Variants in CD8B2 observed in about 807,000 individuals in gnomAD.
CD8B2 encodes the protein CD8B family member 2.
CD8B2 carries 11 observed loss-of-function variants against 23.7 expected under a neutral mutation model. That is an observed-to-expected ratio of 0.46 (90% CI 0.29 to 0.77). CD8B2 has a LOEUF of 0.77. CD8B2 is among the 30% of genes least tolerant of loss of function. The pLI is 0.09. For synonymous variants in CD8B2, 90 were observed against 109.3 expected, an observed-to-expected ratio of 0.82 and a Z score of 1.10; for missense variants, 197 against 270.5, an observed-to-expected ratio of 0.73 and a Z score of 1.91.
At chr2:106,541,593 C>G (rs1680174986) in intron 5 of CD8B2, among the ~76,000 whole-genome samples, 1 of 152,152 alleles carries the variant, frequency 6.6e-6, no homozygotes, top group East Asian at 1.9e-4. Flanking sequence ...ATGCATTTTT[C>G]AAACCGTAAG....
At chr2:106,538,006 C>T (rs1008593353) in intron 5 of CD8B2, 4 of 152,176 alleles carry the variant, frequency 2.6e-5, no homozygotes, top group African/African-American at 9.7e-5. Context: ...ATGCATGGCC[C>T]CAGAGGAGTC....
chr2:106,504,471 C>T, intron 5 of CD8B2, 146 bp downstream of exon 5: 2 of 1,515,030 alleles, frequency 1.3e-6, no homozygotes, highest in Non-Finnish European at 1.8e-6. Context: ...CCTGTAGTCA[C>T]AGCTACTCGG....
intron 5 of CD8B2, among the ~76,000 whole-genome samples, chr2:106,525,987 A>G (rs1248291443): frequency 6.6e-6 from 1 of 152,242 alleles, no homozygotes; most frequent in Non-Finnish European, 1.5e-5. Flanking sequence ...TACGCCTGTA[A>G]TTCCAGGACT....
At chr2:106,528,578 A>G (rs1157508319) in intron 5 of CD8B2, among the ~76,000 whole-genome samples, 3 of 152,262 alleles carry the variant, frequency 2.0e-5, no homozygotes, top group Non-Finnish European at 4.4e-5. Flanking sequence ...GAGAATCTGC[A>G]GTCTGTTCAA....
chr2:106,494,218 G>A (rs1679253339), intron 2 of CD8B2, among the ~76,000 whole-genome samples: 2 of 151,258 alleles, frequency 1.3e-5, no homozygotes, highest in African/African-American at 4.9e-5. Flanking sequence ...CAGGATCTTG[G>A]CTGACTGCAA....
In CD8B2 at chr2:106,506,966, G is replaced by A; in HGVS notation, c.*26G>A. ...GCAGAGAATACGGTTTTGGTGTCCTGCTACAAAAAGACATCGGTCAGTAAC... is the reference window on the plus strand; with the variant it reads ...GCAGAGAATACGGTTTTGGTGTCCTACTACAAAAAGACATCGGTCAGTAAC... On this transcript the variant is annotated 3_prime_UTR_variant, in exon 6 of 6. Coordinates refer to ENST00000643224, the MANE Select transcript of CD8B2 (RefSeq NM_001349727.2). 2 of 1,597,222 alleles carry A rather than the reference G, an allele frequency of 1.3e-6. No homozygotes were observed. The highest frequency in any genetic ancestry group is 1.7e-4 in the Middle Eastern group (1 of 5,952).
At chr2:106,521,548 T>G (rs1055197417) in intron 5 of CD8B2, 1 of 152,234 alleles carries the variant, frequency 6.6e-6, no homozygotes, top group Admixed American at 6.5e-5. Context: ...TTCTTAACTC[T>G]TATATCACTC....
intron 2 of CD8B2, among the ~76,000 whole-genome samples, chr2:106,494,134 C>G (rs1040908476): frequency 6.6e-6 from 1 of 151,094 alleles, no homozygotes; most frequent in Non-Finnish European, 1.5e-5. Flanking sequence ...CCTGCCTGTT[C>G]CCCCTTACAA....
At chr2:106,518,849 C>A (rs1222467810) in intron 5 of CD8B2, among the ~76,000 whole-genome samples, 2 of 151,934 alleles carry the variant, frequency 1.3e-5, no homozygotes, top group Non-Finnish European at 2.9e-5. Flanking sequence ...TCTTTTTATC[C>A]ATTTATCCCT....
At chr2:106,528,090 T>C (rs1265186080) in intron 5 of CD8B2, among the ~76,000 whole-genome samples, 1 of 152,246 alleles carries the variant, frequency 6.6e-6, no homozygotes, top group Non-Finnish European at 1.5e-5. Flanking sequence ...GGGGGGCCCC[T>C]GGCTTGCAAA....
chr2:106,505,860 G>A (rs373943541), intron 5 of CD8B2, among the ~76,000 whole-genome samples: 46 of 152,334 alleles, frequency 3.0e-4, no homozygotes, highest in African/African-American at 1.1e-3. Flanking sequence ...GCCGGGTGCG[G>A]TGGCTCAAGC....
At chr2:106,514,328 C>T (rs1476070296), downstream of CD8B2, among the ~76,000 whole-genome samples, 1 of 149,644 alleles carries the variant, frequency 6.7e-6, no homozygotes, top group Non-Finnish European at 1.5e-5. Flanking sequence ...TGCTCTGTTG[C>T]CCAGGCTGGA....
chr2:106,496,623 G>T (rs976246589), intron 3 of CD8B2, among the ~76,000 whole-genome samples: 3 of 151,910 alleles, frequency 2.0e-5, no homozygotes, highest in African/African-American at 7.3e-5. Flanking sequence ...AATATTGTTT[G>T]GCCATAATAA....
intron 5 of CD8B2, among the ~76,000 whole-genome samples, chr2:106,519,526 C>T (rs75646493): frequency 0.014 from 2,148 of 152,282 alleles, 47 homozygotes; most frequent in African/African-American, 0.048. Flanking sequence ...TGATGGAGAG[C>T]GTTCCTGACT....
intron 5 of CD8B2, among the ~76,000 whole-genome samples, chr2:106,522,372 G>A (rs1208271134): frequency 6.6e-6 from 1 of 152,134 alleles, no homozygotes; most frequent in Non-Finnish European, 1.5e-5. Context: ...CAAACATAGA[G>A]ATGTCCACAA....
chr2:106,497,112 C>T (rs1679314520), intron 3 of CD8B2, among the ~76,000 whole-genome samples: 2 of 152,062 alleles, frequency 1.3e-5, no homozygotes, highest in Non-Finnish European at 2.9e-5. Context: ...TCTGTCTCTA[C>T]AAAAATGTAA....
At position 106,502,575 on chromosome 2, in the gene CD8B2, C is replaced by A. The variant is rs1320401466; in HGVS notation, c.583+12C>A. ...CATGCACCTGTGCTGTGAGTTGTCT[C>A]CTCTTGGGTTGTTGGGTGTCCCTGT... On this transcript the variant is annotated intron_variant, in intron 4 of 5. Transcript: ENST00000643224. The A allele has an allele frequency of 1.2e-5, 17 of 1,459,986 alleles. No homozygotes were observed. The highest frequency in any genetic ancestry group is 1.4e-5 in the African/African-American group (1 of 70,498). The allele number at this position is 1,459,986 out of a possible 1,614,324, so 90.4% of individuals were successfully genotyped here. A position where few individuals can be genotyped will look rare whatever the true frequency, so the allele number is the denominator to read the frequency against.
At chr2:106,519,910 A>C (rs536085041) in intron 5 of CD8B2, among the ~76,000 whole-genome samples, 4 of 152,328 alleles carry the variant, frequency 2.6e-5, no homozygotes, top group African/African-American at 9.6e-5. Flanking sequence ...GCTTGGTCTA[A>C]GACATATTTT....
chr2:106,531,218 G>C (rs1469399831), intron 5 of CD8B2, among the ~76,000 whole-genome samples: 4 of 152,072 alleles, frequency 2.6e-5, no homozygotes, highest in Admixed American at 2.6e-4. Context: ...TAGGTTTTGG[G>C]AGTCATCCAG....
Sources: allele counts gnomAD v4.1 joint callset (sites outside exome capture counted in the v4.1 genomes callset), GRCh38; gene constraint gnomAD v4.1.1; transcripts MANE v1.5; gene names NCBI Gene and HGNC (gene_info 2026-07-23, HGNC 2026-07-21).